Variants in DYM observed in about 807,000 individuals in gnomAD.
DYM encodes the protein dymeclin, also known as dyggve-Melchior-Clausen syndrome protein.
Under a neutral mutation model 93.1 loss-of-function variants are expected in DYM, and 78 were observed. That is an observed-to-expected ratio of 0.84 (90% CI 0.70 to 1.01). The LOEUF (loss-of-function observed/expected upper bound fraction) is 1.01. Ranked by LOEUF, DYM falls within the 50% of genes least tolerant of loss-of-function variation. The probability of loss-of-function intolerance (pLI) is 0.00; values close to 1 mark genes in which losing one functional copy is unlikely to be tolerated. For synonymous variants in DYM, 321 were observed against 319.7 expected, an observed-to-expected ratio of 1.00 and a Z score of -0.04; for missense variants, 789 against 845.0, an observed-to-expected ratio of 0.93 and a Z score of 0.82.
chr18:49,144,222 T>C (rs182295292), intron 15 of DYM, among the ~76,000 whole-genome samples: 3 of 152,220 alleles, frequency 2.0e-5, no homozygotes, highest in Non-Finnish European at 4.4e-5. Flanking sequence ...GCATCCTGGA[T>C]TTTGGTGATG....
intron 8 of DYM, among the ~76,000 whole-genome samples, chr18:49,317,906 C>A (rs1044241244): frequency 6.6e-6 from 1 of 151,932 alleles, no homozygotes; most frequent in African/African-American, 2.4e-5. Context: ...GTACAATAAG[C>A]AACTCCTGCT....
At chr18:49,099,828 T>C (rs189856884) in intron 16 of DYM, among the ~76,000 whole-genome samples, 16 of 152,324 alleles carry the variant, frequency 1.1e-4, no homozygotes, top group Admixed American at 1.0e-3. Flanking sequence ...TTCTGTGAGA[T>C]TAGACTGGTT....
chr18:49,283,978 G>A (rs1280328593), intron 9 of DYM, among the ~76,000 whole-genome samples: 2 of 150,954 alleles, frequency 1.3e-5, no homozygotes, highest in East Asian at 3.9e-4. Context: ...CCTTTTTTTT[G>A]TGGTTGGCTT....
intron 1 of DYM, among the ~76,000 whole-genome samples, chr18:49,435,423 T>TAA (rs58887917): frequency 2.3e-3 from 283 of 124,738 alleles, no homozygotes; most frequent in Middle Eastern, 8.9e-3. Flanking sequence ...ACTAAAACAG[T>TAA]AAAAAAAAAA....
intron 16 of DYM, among the ~76,000 whole-genome samples, chr18:49,102,112 A>T (rs913868540): frequency 7.9e-5 from 12 of 152,184 alleles, no homozygotes; most frequent in African/African-American, 2.9e-4. Flanking sequence ...ACTGCATAGG[A>T]ACCAATAATG....
At chr18:49,290,023 T>C (rs1285093733) in intron 8 of DYM, among the ~76,000 whole-genome samples, 1 of 151,262 alleles carries the variant, frequency 6.6e-6, no homozygotes, top group Non-Finnish European at 1.5e-5. Flanking sequence ...CATTTGGCAG[T>C]TTTCATTGAA....
At chr18:49,289,759 A>ATATATATACG in intron 8 of DYM, among the ~76,000 whole-genome samples, 1 of 43,386 alleles carries the variant, frequency 2.3e-5, no homozygotes, top group African/African-American at 9.7e-5. Context: ...ATATATATAT[A>ATATATATACG]TATATATATA....
intron 14 of DYM, among the ~76,000 whole-genome samples, chr18:49,198,880 A>G (rs924065930): frequency 1.3e-5 from 2 of 151,818 alleles, no homozygotes; most frequent in African/African-American, 4.8e-5. Context: ...ATTACTGGGT[A>G]TATACCCAAA....
intron 17 of DYM, among the ~76,000 whole-genome samples, chr18:49,096,093 T>C (rs1421630434): frequency 2.6e-5 from 4 of 152,196 alleles, no homozygotes; most frequent in South Asian, 2.1e-4. Flanking sequence ...GGTCTTACTT[T>C]ATGTAAAAAT....
intron 8 of DYM, among the ~76,000 whole-genome samples, chr18:49,325,722 A>C (rs760182816): frequency 2.6e-5 from 4 of 152,222 alleles, no homozygotes; most frequent in Non-Finnish European, 5.9e-5. Flanking sequence ...GTTAGTGTGC[A>C]TTTAGATTTA....
intron 3 of DYM, among the ~76,000 whole-genome samples, chr18:49,388,537 A>G (rs958595377): frequency 8.6e-5 from 13 of 151,866 alleles, no homozygotes; most frequent in Non-Finnish European, 1.9e-4. Flanking sequence ...TAGAACAAAA[A>G]TTTTATATAT....
chr18:49,376,261 T>C (rs1247793804), intron 5 of DYM, among the ~76,000 whole-genome samples: 1 of 152,236 alleles, frequency 6.6e-6, no homozygotes, highest in Non-Finnish European at 1.5e-5. Flanking sequence ...AACTATGTCA[T>C]CTGTTGGAAA....
intron 17 of DYM, among the ~76,000 whole-genome samples, chr18:49,052,304 A>G (rs182426281): frequency 1.7e-3 from 259 of 152,346 alleles, no homozygotes; most frequent in African/African-American, 6.1e-3. Context: ...CTACCTGTCC[A>G]TCTACCTCCC....
At chr18:49,348,927 A>C (rs1599595559) in intron 6 of DYM, among the ~76,000 whole-genome samples, 2 of 139,374 alleles carry the variant, frequency 1.4e-5, no homozygotes, top group Non-Finnish European at 3.1e-5. Flanking sequence ...AAAAAACCAC[A>C]CCAGATGCAG....
chr18:49,103,355 T>C (rs1358987621), intron 16 of DYM, among the ~76,000 whole-genome samples: 1 of 152,218 alleles, frequency 6.6e-6, no homozygotes, highest in Non-Finnish European at 1.5e-5. Flanking sequence ...TCTCCCATTC[T>C]GTAGGTTGCC....
At chr18:49,327,946 T>C (rs1180361174) in intron 8 of DYM, among the ~76,000 whole-genome samples, 1 of 152,140 alleles carries the variant, frequency 6.6e-6, no homozygotes, top group Non-Finnish European at 1.5e-5. Flanking sequence ...CCTCAGGACT[T>C]GGGTGATCAC....
At chr18:49,188,362 A>C (rs2090647636) in intron 14 of DYM, among the ~76,000 whole-genome samples, 2 of 152,226 alleles carry the variant, frequency 1.3e-5, no homozygotes. Flanking sequence ...AATGTAGCAC[A>C]GAAGGAGCAT....
chr18:49,311,891 AAG>A (rs2146366765), intron 8 of DYM, among the ~76,000 whole-genome samples: 1 of 152,158 alleles, frequency 6.6e-6, no homozygotes, highest in East Asian at 1.9e-4. Flanking sequence ...AAAAAAAAAA[AAG>A]AATTCACATG....
At chr18:49,133,837 T>C (rs1223603489) in intron 15 of DYM, among the ~76,000 whole-genome samples, 4 of 152,348 alleles carry the variant, frequency 2.6e-5, no homozygotes, top group Admixed American at 2.0e-4. Context: ...CTTAGTTATA[T>C]CTGCAAAGTC....
Sources: gnomAD v4.1 joint callset for allele counts (sites outside exome capture counted in the v4.1 genomes callset) on GRCh38, gnomAD v4.1.1 for gene constraint, MANE v1.5 for transcripts, NCBI Gene and HGNC (gene_info 2026-07-23, HGNC 2026-07-21) for gene names.